ASB3: variants seen among roughly 807,000 people sequenced by gnomAD.
ASB3 encodes ankyrin repeat and SOCS box protein 3.
ASB3 carries 41 observed loss-of-function variants against 54.5 expected under a neutral mutation model. The ratio of observed to expected loss-of-function variants is 0.75; its 90% CI spans 0.59 to 0.98. ASB3 has a LOEUF of 0.98. Among genes scored for constraint, ASB3 ranks in the 50% least tolerant of loss-of-function variants. The pLI, the probability that ASB3 is intolerant of heterozygous loss-of-function variation, is 0.00. For synonymous variants in ASB3, 266 were observed against 221.2 expected (o/e 1.20, Z -1.80); for missense variants, 733 against 620.0 (o/e 1.18, Z -1.94).
At chr2:53,778,688 C>T (rs1436608400) in intron 1 of ASB3, among the ~76,000 whole-genome samples, 4 of 152,170 alleles carry the variant, frequency 2.6e-5, no homozygotes, top group Non-Finnish European at 5.9e-5. Flanking sequence ...TTCTCCAATC[C>T]ATCCATGTCG....
chr2:53,749,777 G>A (rs1488436352), intron 3 of ASB3, among the ~76,000 whole-genome samples: 2 of 152,010 alleles, frequency 1.3e-5, no homozygotes, highest in Non-Finnish European at 2.9e-5. Context: ...GAGCTGGGGA[G>A]AGGGAAGAAA....
chr2:53,730,416 TAAG>T (rs1419447741), intron 3 of ASB3, among the ~76,000 whole-genome samples: 3 of 152,180 alleles, frequency 2.0e-5, no homozygotes, highest in African/African-American at 7.2e-5. Flanking sequence ...AAGACATGTA[TAAG>T]AAGGTCTGGC....
chr2:53,766,797 TTG>T (rs1673490904), intron 1 of ASB3, among the ~76,000 whole-genome samples: 1 of 152,174 alleles, frequency 6.6e-6, no homozygotes, highest in African/African-American at 2.4e-5. Flanking sequence ...GCTTTTTTTT[TTG>T]TTTGTTTGTC....
chr2:53,697,034 A>G (rs920384321), intron 8 of ASB3, among the ~76,000 whole-genome samples: 2 of 152,222 alleles, frequency 1.3e-5, no homozygotes, highest in African/African-American at 4.8e-5. Flanking sequence ...CACAAGATAC[A>G]GGTCACAAAG....
At chr2:53,776,483 G>C (rs1236509803) in intron 1 of ASB3, among the ~76,000 whole-genome samples, 1 of 151,948 alleles carries the variant, frequency 6.6e-6, no homozygotes, top group Non-Finnish European at 1.5e-5. Flanking sequence ...AATTTATTCA[G>C]CTTTTGGCAA....
rs758014738 is a variant in ASB3 at position 53,765,551 on chromosome 2, C to T, written c.22G>A (p.Ala8Thr). The change falls in exon 2 of 10, where the codon GCG becomes ACG. Residue 8 changes from alanine to threonine, a missense_variant. Physicochemically the swap from Ala to Thr is moderately conservative, Grantham distance 58 (BLOSUM62 0). Coordinates refer to ENST00000263634, the MANE Select transcript of ASB3 (RefSeq NM_016115.5). MDFTEAY[A>T]DTCSTVGLAA... ...AGTCCAACTGTAGAGCACGTGTCCGCGTAAGCCTCTGTAAAATCCATTTGT... is the reference window on the plus strand; with the variant it reads ...AGTCCAACTGTAGAGCACGTGTCCGTGTAAGCCTCTGTAAAATCCATTTGT... 2.5e-6 allele frequency: 4 copies of T among 1,614,140 alleles called. No homozygotes were observed. The highest frequency in any genetic ancestry group is 1.3e-5 in the African/African-American group (1 of 75,020).
At chr2:53,677,312 C>T (rs1323049952) in intron 9 of ASB3, among the ~76,000 whole-genome samples, 8 of 152,108 alleles carry the variant, frequency 5.3e-5, no homozygotes, top group South Asian at 4.1e-4. Flanking sequence ...ACTGTATCCC[C>T]GTTGTTAATA....
chr2:53,675,616 T>C (rs994212225), intron 9 of ASB3, among the ~76,000 whole-genome samples: 2 of 152,200 alleles, frequency 1.3e-5, no homozygotes, highest in Admixed American at 6.5e-5. Context: ...CTAGCAATTA[T>C]GAAAAAGTTA....
At chr2:53,729,843 C>T (rs6714424) in intron 3 of ASB3, among the ~76,000 whole-genome samples, 1 of 152,016 alleles carries the variant, frequency 6.6e-6, no homozygotes, top group Non-Finnish European at 1.5e-5. Flanking sequence ...TGGAAACAGC[C>T]TAGCTCTAGT....
Position 53,714,748 on chromosome 2 carries a change from A to G in ASB3, c.783-167T>C, listed in dbSNP as rs549503001. Among the ~76,000 whole-genome samples the G allele has an allele frequency of 4.6e-5, 7 of 152,330 alleles. No individual in the cohort carries two copies. The South Asian group carries it at 1.2e-3, about 27-fold the overall frequency. ...ACAACATTAAACTATTACATGCTAT[A>G]TATTTACTCCAGAATGTTACACTTA... On this transcript the variant is annotated intron_variant, in intron 6 of 9. Transcript: ENST00000263634.
intron 5 of ASB3, among the ~76,000 whole-genome samples, chr2:53,724,773 G>A (rs1210142748): frequency 6.6e-6 from 1 of 151,864 alleles, no homozygotes; most frequent in Non-Finnish European, 1.5e-5. Flanking sequence ...TTACTAAAAA[G>A]TCAAAAAACA....
chr2:53,750,969 A>G, intron 2 of ASB3, 28 bp from the exon 3 acceptor site: 1 of 1,473,602 alleles, frequency 6.8e-7, no homozygotes, highest in Non-Finnish European at 9.0e-7. Context: ...CCCATCAACT[A>G]GAAGGTATTA....
In ASB3 at chr2:53,771,882, A is replaced by T. The variant is rs199773130; in HGVS notation, c.-13-6297T>A. On this transcript the variant is annotated intron_variant, in intron 1 of 9. Coordinates refer to ENST00000263634, the MANE Select transcript of ASB3 (RefSeq NM_016115.5). ...TAATGAACTTTATTAATTCAGAAAA[A>T]TTTTTTTTTACCTTTTTAAAACAGC... The T allele has an allele frequency of 2.7e-4, 401 of 1,473,202 alleles. 1 individual carries two copies. The highest frequency in any genetic ancestry group is 1.6e-3 in the South Asian group (128 of 79,540). 91.3% of individuals were successfully genotyped at this position (1,473,202 alleles called of 1,614,324 possible).
chr2:53,680,845 T>A (rs1668332429), intron 9 of ASB3, among the ~76,000 whole-genome samples: 5 of 152,116 alleles, frequency 3.3e-5, no homozygotes, highest in Admixed American at 3.3e-4. Context: ...TTGTATCCAT[T>A]AACCATCCCC....
intron 1 of ASB3, among the ~76,000 whole-genome samples, chr2:53,785,056 A>G (rs1461948568): frequency 6.6e-6 from 1 of 152,128 alleles, no homozygotes; most frequent in African/African-American, 2.4e-5. Flanking sequence ...TATCACTCCA[A>G]CACATCAAGC....
At chr2:53,716,108 T>A (rs112242052) in intron 6 of ASB3, among the ~76,000 whole-genome samples, 1 of 152,036 alleles carries the variant, frequency 6.6e-6, no homozygotes, top group African/African-American at 2.4e-5. Flanking sequence ...CAATTTGAGG[T>A]TAGATCAAGA....
chr2:53,761,347 G>C (rs553662792), intron 2 of ASB3, among the ~76,000 whole-genome samples: 3 of 152,082 alleles, frequency 2.0e-5, no homozygotes, highest in East Asian at 1.9e-4. Flanking sequence ...TCAGGCATTC[G>C]AGCAGGGAGC....
At position 53,745,704 on chromosome 2, in the gene ASB3, T is replaced by C. The variant is rs543919037; in HGVS notation, c.355+5079A>G. The stretch of plus-strand genomic sequence containing the variant: ...CAATAGGCTAGTGCTAACTGGGCCA[T>C]CAGGACAGGTCCTATAACATGTAAT... On this transcript the variant is annotated intron_variant, in intron 3 of 9. Coordinates refer to ENST00000263634, the MANE Select transcript of ASB3 (RefSeq NM_016115.5). Among the ~76,000 whole-genome samples, 6 of 152,330 alleles carry C rather than the reference T, an allele frequency of 3.9e-5. No individual in the cohort carries two copies. In the East Asian group the frequency reaches 1.2e-3, roughly 29 times the overall value.
At chr2:53,690,297 C>A (rs967074832) in intron 9 of ASB3, among the ~76,000 whole-genome samples, 1 of 151,970 alleles carries the variant, frequency 6.6e-6, no homozygotes, top group Non-Finnish European at 1.5e-5. Flanking sequence ...TTGAGACATA[C>A]AATATTTAGA....
Sources: allele counts gnomAD v4.1 joint callset (sites outside exome capture counted in the v4.1 genomes callset), GRCh38; gene constraint gnomAD v4.1.1; transcripts MANE v1.5; gene names NCBI Gene and HGNC (gene_info 2026-07-23, HGNC 2026-07-21).